Variants in GALNT18 observed in about 807,000 individuals in gnomAD.
The protein encoded by GALNT18 is polypeptide N-acetylgalactosaminyltransferase 18.
A neutral mutation model predicts 69.5 loss-of-function variants in GALNT18; 44 were observed. That is an observed-to-expected ratio of 0.63 (90% CI 0.50 to 0.81). The LOEUF (loss-of-function observed/expected upper bound fraction) is 0.81, where lower values mean the gene tolerates loss of function less well. Among genes scored for constraint, GALNT18 ranks in the 40% least tolerant of loss-of-function variants. The pLI, the probability that GALNT18 is intolerant of heterozygous loss-of-function variation, is 0.00. For missense variants in GALNT18, 715 were observed against 810.0 expected (o/e 0.88, Z 1.42); for synonymous variants, 364 against 318.2 (o/e 1.14, Z -1.53).
chr11:11,556,447 A>G (rs1034380878), intron 1 of GALNT18, among the ~76,000 whole-genome samples: 1 of 152,246 alleles, frequency 6.6e-6, no homozygotes, highest in Admixed American at 6.5e-5. Context: ...CAATTATGCA[A>G]TAGATAAAAC....
chr11:11,388,266 A>G (rs369894804), intron 3 of GALNT18, among the ~76,000 whole-genome samples: 1 of 152,210 alleles, frequency 6.6e-6, no homozygotes. Context: ...CCCCATACTT[A>G]GCGGGGTCGC....
intron 1 of GALNT18, among the ~76,000 whole-genome samples, chr11:11,519,471 G>C (rs1857348223): frequency 1.3e-5 from 2 of 152,186 alleles, no homozygotes; most frequent in South Asian, 2.1e-4. Flanking sequence ...ATGGAAGCCT[G>C]TTTGATGCAG....
At chr11:11,412,434 C>G (rs998789433) in intron 3 of GALNT18, among the ~76,000 whole-genome samples, 2 of 152,150 alleles carry the variant, frequency 1.3e-5, no homozygotes, top group Non-Finnish European at 2.9e-5. Context: ...CTTATATAAC[C>G]CAAGCCACCG....
intron 6 of GALNT18, chr11:11,353,301 TG>T: frequency 1.4e-6 from 1 of 692,876 alleles, no homozygotes; most frequent in East Asian, 2.7e-5. Flanking sequence ...GGCGATGGAG[TG>T]GGGAGCAATT....
At chr11:11,437,456 C>A (rs559139500) in intron 2 of GALNT18, among the ~76,000 whole-genome samples, 1 of 152,070 alleles carries the variant, frequency 6.6e-6, no homozygotes, top group Non-Finnish European at 1.5e-5. Context: ...TGGGGAGCAA[C>A]AACTTAGGGG....
chr11:11,316,516 G>A (rs4444072), intron 9 of GALNT18, among the ~76,000 whole-genome samples: 99,096 of 152,032 alleles, frequency 0.65, 34,285 homozygotes, highest in Admixed American at 0.8. Flanking sequence ...TTAAAATAGA[G>A]TACTTCTTTC....
Position 11,541,206 on chromosome 11 carries a change from A to T in GALNT18, c.235+80153T>A, listed in dbSNP as rs1405553961. 6.6e-6 allele frequency among the ~76,000 whole-genome samples: 1 copy of T among 152,106 alleles called. No homozygotes were observed. The highest frequency in any genetic ancestry group is 2.4e-5 in the African/African-American group (1 of 41,410). On this transcript the variant is annotated intron_variant, in intron 1 of 10. Transcript: ENST00000227756. This position sits in a 1 kb window ranked among gnomAD's most constrained non-coding sequence, Gnocchi z 4.8. The stretch of plus-strand genomic sequence containing the variant: ...ACAAGTTCTTTCACCCTCCCTCAGG[A>T]ATCAGGGTCAGCCCAGTGCCATGCA...
At position 11,598,876 on chromosome 11, in the gene GALNT18, T is replaced by C. The variant is rs112706529; in HGVS notation, c.235+22483A>G. On this transcript the variant is annotated intron_variant, in intron 1 of 10. Coordinates refer to ENST00000227756, the MANE Select transcript of GALNT18 (RefSeq NM_198516.3). The surrounding 1 kb of genome is among the most constrained non-coding windows in gnomAD (Gnocchi z 4.8). ...TTAGGAGTATGTTATCTAATATCCATGTATTTTTTAATTTTCTAGATTTCC... is the reference window on the plus strand; with the variant it reads ...TTAGGAGTATGTTATCTAATATCCACGTATTTTTTAATTTTCTAGATTTCC... Among the ~76,000 whole-genome samples the C allele has an allele frequency of 7.2e-5, 11 of 152,320 alleles. No individual in the cohort carries two copies. The highest frequency in any genetic ancestry group is 2.6e-4 in the African/African-American group (11 of 41,574).
intron 1 of GALNT18, among the ~76,000 whole-genome samples, chr11:11,545,862 G>C (rs1301076025): frequency 6.6e-6 from 1 of 152,178 alleles, no homozygotes; most frequent in Non-Finnish European, 1.5e-5. Context: ...ATCCCAGGGG[G>C]GATGTGGTCA....
At chr11:11,342,123 G>T (rs74347978) in intron 6 of GALNT18, among the ~76,000 whole-genome samples, 4 of 152,042 alleles carry the variant, frequency 2.6e-5, no homozygotes, top group African/African-American at 9.7e-5. Flanking sequence ...CTCACTGATC[G>T]TGTATTCCTG....
chr11:11,373,997 G>A (rs1319117332), intron 5 of GALNT18, among the ~76,000 whole-genome samples: 1 of 152,218 alleles, frequency 6.6e-6, no homozygotes, highest in African/African-American at 2.4e-5. Flanking sequence ...AGGCGATTTT[G>A]CAGGTCATTT....
At chr11:11,466,538 G>A (rs1856159210) in intron 1 of GALNT18, among the ~76,000 whole-genome samples, 1 of 152,228 alleles carries the variant, frequency 6.6e-6, no homozygotes, top group Non-Finnish European at 1.5e-5. Context: ...GGGGACAGTG[G>A]ACCCTGAGAG....
chr11:11,296,865 A>T (rs1199486405), intron 9 of GALNT18, among the ~76,000 whole-genome samples: 1 of 152,236 alleles, frequency 6.6e-6, no homozygotes. Flanking sequence ...TCAAGTCCTC[A>T]CATGGACATC....
At position 11,619,928 on chromosome 11, in the gene GALNT18, C is replaced by G. The variant is rs532541204; in HGVS notation, c.235+1431G>C. Among the ~76,000 whole-genome samples, 1 of 152,272 alleles carries G rather than the reference C, an allele frequency of 6.6e-6. No homozygotes were observed. The highest frequency in any genetic ancestry group is 1.9e-4 in the East Asian group (1 of 5,174). ...CGAAGCCATGGGCTTGTTTTGAAGT[C>G]ATTAGTCAGGAAGCACTATGGATGT... is the stretch of plus-strand genomic sequence containing the variant. On this transcript the variant is annotated intron_variant, in intron 1 of 10. Coordinates refer to ENST00000227756, the MANE Select transcript of GALNT18 (RefSeq NM_198516.3). This position sits in a 1 kb window ranked among gnomAD's most constrained non-coding sequence, Gnocchi z 4.9.
chr11:11,288,926 C>T (rs1226626288), intron 10 of GALNT18, among the ~76,000 whole-genome samples: 1 of 152,056 alleles, frequency 6.6e-6, no homozygotes, highest in African/African-American at 2.4e-5. Flanking sequence ...GTCTGTGGAG[C>T]TTAAATGTGG....
At chr11:11,482,791 A>G (rs1856562092) in intron 1 of GALNT18, among the ~76,000 whole-genome samples, 1 of 152,222 alleles carries the variant, frequency 6.6e-6, no homozygotes, top group Admixed American at 6.5e-5. Flanking sequence ...ACTTCCAGGC[A>G]CAGGGAAAAC....
chr11:11,529,180 G>A (rs945902532), intron 1 of GALNT18, among the ~76,000 whole-genome samples: 1 of 152,246 alleles, frequency 6.6e-6, no homozygotes, highest in Non-Finnish European at 1.5e-5. Flanking sequence ...GTGATTTCAT[G>A]TGTCAACTTG....
At chr11:11,529,206 G>A (rs565261981) in intron 1 of GALNT18, among the ~76,000 whole-genome samples, 7 of 152,360 alleles carry the variant, frequency 4.6e-5, no homozygotes, top group African/African-American at 1.7e-4. Flanking sequence ...GCCATGGGGT[G>A]CCCAGATATT....
At chr11:11,357,951 G>A (rs1220206971) in intron 6 of GALNT18, among the ~76,000 whole-genome samples, 1 of 152,156 alleles carries the variant, frequency 6.6e-6, no homozygotes, top group East Asian at 1.9e-4. Context: ...TAGTATTCAT[G>A]TTTGCCTGCC....
Sources: allele counts gnomAD v4.1 joint callset (sites outside exome capture counted in the v4.1 genomes callset), GRCh38; gene constraint gnomAD v4.1.1; non-coding constraint Gnocchi (gnomAD v3.1); transcripts MANE v1.5; gene names NCBI Gene and HGNC (gene_info 2026-07-23, HGNC 2026-07-21).